The following TPD52L1 variants were observed in gnomAD, a reference collection of about 807,000 sequenced individuals.
TPD52L1 encodes TPD52 like 1.
A neutral mutation model predicts 28.7 loss-of-function variants in TPD52L1; 18 were observed. The observed-to-expected ratio is 0.63, with a 90% CI of 0.43 to 0.93. TPD52L1 has a LOEUF of 0.93. Ranked by LOEUF, TPD52L1 falls within the 40% of genes least tolerant of loss-of-function variation. TPD52L1 has a pLI of 0.00. For synonymous variants in TPD52L1, 75 were observed against 88.8 expected (o/e 0.84, Z 0.88); for missense variants, 203 against 254.8 (o/e 0.80, Z 1.39).
At chr6:125,259,313 C>T (rs1396531597) in intron 6 of TPD52L1, among the ~76,000 whole-genome samples, 2 of 152,224 alleles carry the variant, frequency 1.3e-5, no homozygotes, top group Non-Finnish European at 2.9e-5. Context: ...TAAAGGTCCA[C>T]TCCTGCCATC....
chr6:125,223,573 G>T (rs1795397684), intron 2 of TPD52L1, among the ~76,000 whole-genome samples: 3 of 151,990 alleles, frequency 2.0e-5, no homozygotes, highest in Non-Finnish European at 4.4e-5. Flanking sequence ...GTCAGGCATG[G>T]TGGCATGCGC....
At chr6:125,190,469 TG>T (rs1332391816) in intron 1 of TPD52L1, among the ~76,000 whole-genome samples, 5 of 152,162 alleles carry the variant, frequency 3.3e-5, no homozygotes, top group Non-Finnish European at 7.4e-5. Context: ...TACCAGGGAC[TG>T]GTTTCCTGGA....
At chr6:125,164,134 T>G (rs1790724261) in intron 1 of TPD52L1, among the ~76,000 whole-genome samples, 1 of 152,192 alleles carries the variant, frequency 6.6e-6, no homozygotes, top group African/African-American at 2.4e-5. Context: ...ATAGGTACTT[T>G]GTATGCACAA....
At chr6:125,168,675 G>A (rs1032010930) in intron 1 of TPD52L1, among the ~76,000 whole-genome samples, 8 of 152,044 alleles carry the variant, frequency 5.3e-5, no homozygotes, top group South Asian at 4.2e-4. Flanking sequence ...CCGCCACCAC[G>A]CCCAGCTAAT....
intron 6 of TPD52L1, 42 bp from the exon 7 acceptor site, chr6:125,262,792 T>C (rs1362093002): frequency 1.3e-6 from 2 of 1,561,176 alleles, no homozygotes; most frequent in Non-Finnish European, 1.7e-6. Flanking sequence ...ACAAAAATGA[T>C]AGTAACAACT....
At chr6:125,215,049 G>T (rs1038203438) in intron 1 of TPD52L1, among the ~76,000 whole-genome samples, 3 of 152,132 alleles carry the variant, frequency 2.0e-5, no homozygotes, top group Non-Finnish European at 2.9e-5. Flanking sequence ...TCATGAAATT[G>T]GTTCATAATA....
At chr6:125,212,585 T>C (rs1794595399) in intron 1 of TPD52L1, among the ~76,000 whole-genome samples, 1 of 152,254 alleles carries the variant, frequency 6.6e-6, no homozygotes, top group African/African-American at 2.4e-5. Flanking sequence ...AATCTAAAGC[T>C]GATCTCTTGA....
At chr6:125,166,923 A>G (rs1364967057) in intron 1 of TPD52L1, among the ~76,000 whole-genome samples, 8 of 152,104 alleles carry the variant, frequency 5.3e-5, no homozygotes, top group African/African-American at 1.7e-4. Context: ...GCTTTTAGTC[A>G]GATAAAGGAT....
chr6:125,200,915 T>C (rs1251818131), intron 1 of TPD52L1, among the ~76,000 whole-genome samples: 1 of 152,230 alleles, frequency 6.6e-6, no homozygotes, highest in African/African-American at 2.4e-5. Context: ...GTCAGCGTTC[T>C]AAAGTAGGGA....
intron 1 of TPD52L1, among the ~76,000 whole-genome samples, chr6:125,175,657 A>G (rs917178917): frequency 6.6e-6 from 1 of 152,334 alleles, no homozygotes; most frequent in Admixed American, 6.5e-5. Flanking sequence ...TGGAGGCTGG[A>G]GAGATAAACA....
Position 125,165,092 on chromosome 6 carries a change from A to ATATATATATATATATTTATT in TPD52L1, c.19+11129_19+11130insATATATATTTATTTATATAT. Among the ~76,000 whole-genome samples, 220 of 104,200 alleles carry ATATATATATATATATTTATT rather than the reference A, an allele frequency of 2.1e-3. 27 individuals are homozygous for ATATATATATATATATTTATT. Among genetic ancestry groups the ATATATATATATATATTTATT allele is most frequent in the African/African-American group, 0.012 (199 of 16,458 alleles). 68.4% of individuals were successfully genotyped at this position (104,200 alleles called of 152,430 possible). A position where few individuals can be genotyped will look rare whatever the true frequency, so the allele number is the denominator to read the frequency against. On this transcript the variant is annotated intron_variant, in intron 1 of 6. Transcript: ENST00000534000. ...CCTGTCTCTTAAAAAAAAGATATAT[A>ATATATATATATATATTTATT]TATATATTTTAACTGTATATATATA...
At chr6:125,243,772 A>G (rs1243983823) in intron 3 of TPD52L1, among the ~76,000 whole-genome samples, 1 of 152,092 alleles carries the variant, frequency 6.6e-6, no homozygotes, top group African/African-American at 2.4e-5. Flanking sequence ...CTTGAGTAGC[A>G]CAATTCTGAA....
intron 4 of TPD52L1, 47 bp downstream of exon 4, chr6:125,248,430 C>A: frequency 7.0e-7 from 1 of 1,428,878 alleles, no homozygotes; most frequent in Non-Finnish European, 9.9e-7. Context: ...CCTTGGCTTT[C>A]CGATTGAAGG....
intron 1 of TPD52L1, chr6:125,154,322 C>T: frequency 9.1e-7 from 1 of 1,103,654 alleles, no homozygotes; most frequent in Non-Finnish European, 1.1e-6. Flanking sequence ...TGTTTCGCTC[C>T]CTTTCCCTTG....
At chr6:125,172,529 TATA>T (rs1212348675) in intron 1 of TPD52L1, among the ~76,000 whole-genome samples, 8 of 84,988 alleles carry the variant, frequency 9.4e-5, no homozygotes, top group South Asian at 3.6e-4. Flanking sequence ...TATATATATA[TATA>T]TATATATATA....
chr6:125,257,213 C>G (rs1168085961), intron 6 of TPD52L1, 55 bp downstream of exon 6: 10 of 1,493,248 alleles, frequency 6.7e-6, no homozygotes, highest in Non-Finnish European at 8.3e-6. Flanking sequence ...GACAGCTTAG[C>G]CATTGCTGCG....
intron 5 of TPD52L1, 125 bp downstream of exon 5, chr6:125,253,880 GA>G: frequency 1.1e-6 from 1 of 939,674 alleles, no homozygotes; most frequent in Non-Finnish European, 1.7e-6. Flanking sequence ...GTCTTCAAAA[GA>G]AAAGGCTGAC....
At chr6:125,247,372 A>T (rs1796983919) in intron 3 of TPD52L1, among the ~76,000 whole-genome samples, 1 of 152,052 alleles carries the variant, frequency 6.6e-6, no homozygotes, top group Non-Finnish European at 1.5e-5. Context: ...CCAACTCAGA[A>T]ATTTCTCATC....
At chr6:125,193,439 G>A (rs574562660) in intron 1 of TPD52L1, among the ~76,000 whole-genome samples, 113 of 152,126 alleles carry the variant, frequency 7.4e-4, no homozygotes, top group African/African-American at 2.6e-3. Context: ...CAGGAGTATT[G>A]GGATGGGAAA....
Sources: allele counts gnomAD v4.1 joint callset (sites outside exome capture counted in the v4.1 genomes callset), GRCh38; gene constraint gnomAD v4.1.1; transcripts MANE v1.5; gene names NCBI Gene and HGNC (gene_info 2026-07-23, HGNC 2026-07-21).